Variants in KLHDC4 observed in about 807,000 individuals in gnomAD.
KLHDC4 encodes the protein kelch domain containing 4, also known as kelch domain-containing protein 4.
A neutral mutation model predicts 62.4 loss-of-function variants in KLHDC4; 90 were observed. The ratio of observed to expected loss-of-function variants is 1.44; its 90% CI spans 1.22 to 1.72. KLHDC4 has a LOEUF of 1.72. KLHDC4 is among the 40% of genes most tolerant of loss of function. KLHDC4 has a pLI of 0.00. For synonymous variants in KLHDC4, 386 were observed against 284.4 expected (o/e 1.36, Z -3.59); for missense variants, 1,025 against 699.7 (o/e 1.47, Z -5.25).
chr16:87,732,738 G>A (rs2040604577), intron 5 of KLHDC4, among the ~76,000 whole-genome samples: 1 of 152,152 alleles, frequency 6.6e-6, no homozygotes, highest in African/African-American at 2.4e-5. Flanking sequence ...TGAAAAGGCA[G>A]GTCCAAAGCA....
chr16:87,719,042 C>G (rs571096612), intron 7 of KLHDC4, among the ~76,000 whole-genome samples: 1 of 151,338 alleles, frequency 6.6e-6, no homozygotes, highest in African/African-American at 2.4e-5. Context: ...CCACCCCATC[C>G]GGGAGGTGGG....
intron 1 of KLHDC4, chr16:87,765,068 G>T: frequency 2.2e-6 from 1 of 454,916 alleles, no homozygotes. Context: ...GAACTGACCT[G>T]CTCGTGAGGA....
chr16:87,706,739 G>A (rs1434892310), downstream of KLHDC4, among the ~76,000 whole-genome samples: 6 of 152,166 alleles, frequency 3.9e-5, no homozygotes, highest in Non-Finnish European at 7.4e-5. Context: ...CTCAGCACGT[G>A]CCCTGCTGTG....
At chr16:87,739,165 AT>A (rs2041852893) in intron 5 of KLHDC4, among the ~76,000 whole-genome samples, 1 of 133,456 alleles carries the variant, frequency 7.5e-6, no homozygotes, top group African/African-American at 3.1e-5. Context: ...CACCTCATCC[AT>A]CCACACACCA....
intron 1 of KLHDC4, among the ~76,000 whole-genome samples, chr16:87,762,515 G>C (rs1366746416): frequency 1.3e-5 from 2 of 152,226 alleles, no homozygotes; most frequent in African/African-American, 4.8e-5. Flanking sequence ...CTGCCTTCCT[G>C]TCTGCTGAGC....
At chr16:87,752,089 C>CAAAAAAAAA (rs1173625123) in intron 4 of KLHDC4, among the ~76,000 whole-genome samples, 311 of 29,450 alleles carry the variant, frequency 0.011, 36 homozygotes, top group East Asian at 0.015. Flanking sequence ...GACTTTGTCT[C>CAAAAAAAAA]AAAAAAAAAA....
intron 5 of KLHDC4, 89 bp from the exon 6 acceptor site, chr16:87,730,733 A>G: frequency 9.1e-7 from 1 of 1,099,366 alleles, no homozygotes; most frequent in South Asian, 1.3e-5. Context: ...TCCAATTTTT[A>G]CACTGATTTC....
chr16:87,748,726 G>C lies in KLHDC4; in HGVS notation c.453C>G (p.His151Gln), dbSNP rs1323443837. The C allele has an allele frequency of 1.9e-6, 3 of 1,613,596 alleles. No homozygotes were observed. Among genetic ancestry groups the C allele is most frequent in the East Asian group, 2.2e-5 (1 of 44,844 alleles). Residue 151 changes from histidine to glutamine, a missense_variant, in exon 5 of 12, where the codon CAC (histidine) becomes CAG (glutamine). Coordinates refer to ENST00000270583, the MANE Select transcript of KLHDC4 (RefSeq NM_017566.4). Reference protein sequence around the residue: ...FASPNGEQFYHYKDLWVLHLA... With the variant: ...FASPNGEQFYQYKDLWVLHLA... ...AATGCAGGACCCAGAGATCCTTGTAGTGGTAGAACTGCTCTCCGTTGGGAG... is the reference window on the plus strand; with the variant it reads ...AATGCAGGACCCAGAGATCCTTGTACTGGTAGAACTGCTCTCCGTTGGGAG...
At chr16:87,718,711 C>G (rs981135873) in intron 7 of KLHDC4, among the ~76,000 whole-genome samples, 6 of 150,972 alleles carry the variant, frequency 4.0e-5, no homozygotes, top group African/African-American at 1.5e-4. Context: ...AGGAGCCCCT[C>G]TGCCCGGCTG....
At chr16:87,731,382 T>A (rs2040342887) in intron 5 of KLHDC4, among the ~76,000 whole-genome samples, 1 of 151,756 alleles carries the variant, frequency 6.6e-6, no homozygotes, top group Admixed American at 6.6e-5. Flanking sequence ...CAGAATTCTA[T>A]CTTAATAGTA....
intron 5 of KLHDC4, among the ~76,000 whole-genome samples, chr16:87,744,275 C>T (rs2042688637): frequency 6.6e-6 from 1 of 152,084 alleles, no homozygotes; most frequent in South Asian, 2.1e-4. Flanking sequence ...ATTAGCCGGG[C>T]ATGGTGGCGG....
At position 87,708,405 on chromosome 16, in the gene KLHDC4, G is replaced by C. The variant is rs746685588; in HGVS notation, c.1509C>G (p.Ala503=). The C allele has an allele frequency of 6.2e-7, 1 of 1,611,538 alleles. No homozygotes were observed. Among genetic ancestry groups the C allele is most frequent in the Non-Finnish European group, 8.5e-7 (1 of 1,179,472 alleles). ...TGTCTTCGTCGTCGACCCCACCCTC[G>C]GCGCCCTCAACCTCCTCACTGTCCT... is the stretch of plus-strand genomic sequence containing the variant. ...SEEDSEEVEG[A]EGGVDDEDSG... is the part of the protein sequence containing the mutation. The change falls in exon 11 of 12, where the codon GCC becomes GCG. Residue 503 remains alanine, a synonymous_variant. Transcript: ENST00000270583.
At chr16:87,718,186 C>A (rs868649710) in intron 7 of KLHDC4, among the ~76,000 whole-genome samples, 1 of 152,174 alleles carries the variant, frequency 6.6e-6, no homozygotes, top group African/African-American at 2.4e-5. Context: ...GCCTTGTTGC[C>A]CTCTGTTTTT....
intron 8 of KLHDC4, among the ~76,000 whole-genome samples, chr16:87,711,745 C>T (rs563767136): frequency 1.3e-5 from 2 of 152,318 alleles, no homozygotes; most frequent in South Asian, 2.1e-4. Context: ...GCAGCACACA[C>T]GCTAGACACA....
At chr16:87,716,326 T>C (rs2036975952) in intron 7 of KLHDC4, among the ~76,000 whole-genome samples, 1 of 151,888 alleles carries the variant, frequency 6.6e-6, no homozygotes, top group Non-Finnish European at 1.5e-5. Context: ...GCTATGGTCT[T>C]GTGGATATTG....
intron 4 of KLHDC4, chr16:87,750,814 T>G (rs2043815513): frequency 6.6e-6 from 1 of 152,240 alleles, no homozygotes; most frequent in African/African-American, 2.4e-5. Context: ...GGCGTGTCCC[T>G]CTCCACCCCA....
At chr16:87,715,405 G>A (rs1051062504) in intron 7 of KLHDC4, among the ~76,000 whole-genome samples, 4 of 152,036 alleles carry the variant, frequency 2.6e-5, no homozygotes, top group African/African-American at 2.4e-5. Flanking sequence ...ATCAGGAACC[G>A]GCACTGACCC....
chr16:87,764,565 C>G (rs1303493052), intron 1 of KLHDC4, among the ~76,000 whole-genome samples: 1 of 141,114 alleles, frequency 7.1e-6, no homozygotes, highest in Non-Finnish European at 1.5e-5. Flanking sequence ...AGGAGAACCA[C>G]TTGAACCTGG....
At chr16:87,754,627 CT>C (rs2044563669) in intron 4 of KLHDC4, among the ~76,000 whole-genome samples, 1 of 152,230 alleles carries the variant, frequency 6.6e-6, no homozygotes, top group Non-Finnish European at 1.5e-5. Flanking sequence ...GCGAGTCTAA[CT>C]GTCACAGAGT....
Sources: gnomAD v4.1 joint callset for allele counts (sites outside exome capture counted in the v4.1 genomes callset) on GRCh38, gnomAD v4.1.1 for gene constraint, MANE v1.5 for transcripts, NCBI Gene and HGNC (gene_info 2026-07-23, HGNC 2026-07-21) for gene names.